Variants in CALM2 observed in about 807,000 individuals in gnomAD.
CALM2 encodes calmodulin 2.
In CALM2, 2 loss-of-function variants were observed where a neutral mutation model predicts 19.8. That is an observed-to-expected ratio of 0.10 (90% confidence interval 0.04 to 0.32). CALM2 has a LOEUF of 0.32. CALM2 is among the 10% of genes least tolerant of loss of function. CALM2 has a pLI of 1.00. For missense variants in CALM2, 38 were observed against 178.7 expected (o/e 0.21, Z 4.49); for synonymous variants, 51 against 52.1 (o/e 0.98, Z 0.09).
intron 5 of CALM2, among the ~76,000 whole-genome samples, chr2:47,161,197 TAC>T (rs1232550736): frequency 1.1e-4 from 17 of 152,170 alleles, no homozygotes; most frequent in Non-Finnish European, 2.5e-4. Flanking sequence ...ATGAAAAAAA[TAC>T]AGAGTTTTAC....
chr2:47,169,288 A>G (rs530582398), intron 2 of CALM2, among the ~76,000 whole-genome samples: 4 of 152,074 alleles, frequency 2.6e-5, no homozygotes, highest in South Asian at 2.1e-4. Flanking sequence ...AGGAGACAGT[A>G]TATTTATAAA....
chr2:47,167,048 CACAAG>C (rs1276908062), intron 2 of CALM2, among the ~76,000 whole-genome samples: 1 of 152,094 alleles, frequency 6.6e-6, no homozygotes, highest in Non-Finnish European at 1.5e-5. Context: ...AATAGGTTAT[CACAAG>C]ACAATTACAA....
At chr2:47,169,143 C>T (rs1416905029) in intron 2 of CALM2, among the ~76,000 whole-genome samples, 2 of 152,112 alleles carry the variant, frequency 1.3e-5, no homozygotes, top group African/African-American at 4.8e-5. Context: ...CACTGAGTAA[C>T]GTTTTCTACC....
intron 2 of CALM2, chr2:47,167,507 A>G (rs1031764674): frequency 7.7e-5 from 14 of 181,486 alleles, no homozygotes; most frequent in African/African-American, 3.3e-4. Context: ...CAGCCTGGCC[A>G]ACATGGTGAA....
chr2:47,172,410 T>A, intron 1 of CALM2: 3 of 681,436 alleles, frequency 4.4e-6, no homozygotes, highest in South Asian at 4.4e-5. Flanking sequence ...ATAACAATAC[T>A]TACCTTGCAG....
intron 1 of CALM2, among the ~76,000 whole-genome samples, chr2:47,175,088 T>TTTTTTTTG (rs1666807366): frequency 7.6e-6 from 1 of 132,426 alleles, no homozygotes; most frequent in Non-Finnish European, 1.5e-5. Context: ...GGTGTTTTTT[T>TTTTTTTTG]TTTTTTTTTT....
intron 2 of CALM2, among the ~76,000 whole-genome samples, chr2:47,165,073 A>T (rs1666419904): frequency 6.6e-6 from 1 of 152,126 alleles, no homozygotes; most frequent in Non-Finnish European, 1.5e-5. Context: ...TACTCATACC[A>T]ATTTCCTCTC....
At chr2:47,168,236 G>A (rs1446212708) in intron 2 of CALM2, among the ~76,000 whole-genome samples, 1 of 152,076 alleles carries the variant, frequency 6.6e-6, no homozygotes, top group African/African-American at 2.4e-5. Context: ...ACTGAAACCT[G>A]GAGGTCCAAG....
chr2:47,166,732 T>G (rs1666486908), intron 2 of CALM2, among the ~76,000 whole-genome samples: 1 of 152,226 alleles, frequency 6.6e-6, no homozygotes, highest in East Asian at 1.9e-4. Context: ...GTAATCTTTA[T>G]GTATAGAAGC....
intron 5 of CALM2, 76 bp from the exon 6 acceptor site, chr2:47,160,880 T>C: frequency 1.3e-6 from 1 of 753,892 alleles, no homozygotes; most frequent in South Asian, 1.9e-5. Flanking sequence ...AAAAATCACA[T>C]TTACTCAATT....
chr2:47,162,790 G>T, intron 2 of CALM2, 128 bp from the exon 3 acceptor site: 1 of 744,830 alleles, frequency 1.3e-6, no homozygotes, highest in Non-Finnish European at 2.1e-6. Flanking sequence ...CTGCACTTCA[G>T]CCTGGCCAAA....
chr2:47,165,997 T>A (rs1387753682), intron 2 of CALM2, among the ~76,000 whole-genome samples: 1 of 152,230 alleles, frequency 6.6e-6, no homozygotes, highest in East Asian at 1.9e-4. Context: ...CCTAACTGCA[T>A]TCTTTCTTAT....
At chr2:47,176,865 G>C (rs551455142), upstream of CALM2, 1 of 985,376 alleles carries the variant, frequency 1.0e-6, no homozygotes, top group Non-Finnish European at 1.2e-6. Context: ...TGCGTCACTG[G>C]GACTCGCAGC....
rs543495575 is a variant in CALM2 at position 47,166,941 on chromosome 2, T to G, written c.34+3793A>C. On this transcript the variant is annotated intron_variant, in intron 2 of 5. Transcript: ENST00000272298. The stretch of plus-strand genomic sequence containing the variant: ...TTCAGAAAAATCTATTACTCAAGTT[T>G]TATTTGTTCATTAGCAACCCCAAGG... Among the ~76,000 whole-genome samples, 18 of 152,354 alleles carry G rather than the reference T, an allele frequency of 1.2e-4. No individual in the cohort carries two copies. The South Asian group carries it at 1.4e-3, about 12-fold the overall frequency.
intron 2 of CALM2, among the ~76,000 whole-genome samples, chr2:47,169,838 G>C (rs1016038496): frequency 6.6e-5 from 10 of 151,922 alleles, no homozygotes; most frequent in African/African-American, 1.9e-4. Context: ...AAGTGCTTTT[G>C]AGCTCTTATC....
chr2:47,165,893 T>C (rs1343066699), intron 2 of CALM2, among the ~76,000 whole-genome samples: 1 of 152,208 alleles, frequency 6.6e-6, no homozygotes, highest in Non-Finnish European at 1.5e-5. Context: ...TCGAATTCTA[T>C]CATTTAAATA....
intron 1 of CALM2, chr2:47,176,212 CTG>C (rs1558703427): frequency 1.8e-6 from 1 of 543,512 alleles, no homozygotes; most frequent in East Asian, 3.0e-5. Context: ...ACCTCGGGAA[CTG>C]TGCGTCCGGC....
chr2:47,162,416 C>G, intron 3 of CALM2, 24 bp from the exon 4 acceptor site: 1 of 1,605,684 alleles, frequency 6.2e-7, no homozygotes, highest in Non-Finnish European at 8.5e-7. Context: ...GTGGAAACAT[C>G]AAAGCTTTAG....
At chr2:47,172,928 A>T (rs1666725770) in intron 1 of CALM2, 2 of 152,398 alleles carry the variant, frequency 1.3e-5, no homozygotes, top group African/African-American at 4.8e-5. Flanking sequence ...TTTTGCTTGG[A>T]AAGTCAAAAT....
Sources: allele counts gnomAD v4.1 joint callset (sites outside exome capture counted in the v4.1 genomes callset), GRCh38; gene constraint gnomAD v4.1.1; transcripts MANE v1.5; gene names NCBI Gene and HGNC (gene_info 2026-07-23, HGNC 2026-07-21).